LRP2: variants seen among roughly 807,000 people sequenced by gnomAD.
The protein encoded by LRP2 is low-density lipoprotein receptor-related protein 2.
LRP2 carries 172 observed loss-of-function variants against 531.0 expected under a neutral mutation model. That is an observed-to-expected ratio of 0.32 (90% CI 0.29 to 0.37). The LOEUF (loss-of-function observed/expected upper bound fraction) is 0.37. Among genes scored for constraint, LRP2 ranks in the 10% least tolerant of loss-of-function variants. The pLI, the probability that LRP2 is intolerant of heterozygous loss-of-function variation, is 1.00. For missense variants in LRP2, 5,167 were observed against 5,868.3 expected (o/e 0.88, Z 3.90); for synonymous variants, 1,992 against 2,027.6 (o/e 0.98, Z 0.47).
At chr2:169,211,908 C>T (rs1232524418) in intron 37 of LRP2, 60 bp downstream of exon 37, 6 of 1,609,348 alleles carry the variant, frequency 3.7e-6, no homozygotes, top group South Asian at 3.3e-5. Flanking sequence ...TTCATGGCAC[C>T]AGGGATTTCA....
chr2:169,223,185 T>C (rs1689079019), intron 33 of LRP2, among the ~76,000 whole-genome samples: 1 of 152,180 alleles, frequency 6.6e-6, no homozygotes, highest in African/African-American at 2.4e-5. Flanking sequence ...CAAATCAAAA[T>C]ATCTTTCCTC....
At chr2:169,142,539 C>T (rs1177660517) in intron 71 of LRP2, 135 bp downstream of exon 71, 1 of 1,238,240 alleles carries the variant, frequency 8.1e-7, no homozygotes, top group African/African-American at 1.5e-5. Flanking sequence ...GTTCATACCT[C>T]CCACATCCCT....
chr2:169,301,855 C>G (rs1684293245), intron 4 of LRP2, among the ~76,000 whole-genome samples: 1 of 152,094 alleles, frequency 6.6e-6, no homozygotes, highest in Admixed American at 6.6e-5. Flanking sequence ...AGGGTATGAA[C>G]TACAACCTAG....
At chr2:169,138,762 C>A in intron 74 of LRP2, 56 bp from the exon 75 acceptor site, 3 of 1,595,444 alleles carry the variant, frequency 1.9e-6, no homozygotes, top group East Asian at 2.2e-5. Context: ...ACAACAAAAA[C>A]AACAAATACA....
intron 34 of LRP2, among the ~76,000 whole-genome samples, chr2:169,218,905 A>G (rs1324028175): frequency 6.6e-6 from 1 of 152,130 alleles, no homozygotes; most frequent in Non-Finnish European, 1.5e-5. Context: ...GCTTCCTCCC[A>G]TCTTCTGCCC....
chr2:169,215,185 G>C (rs755994980), intron 35 of LRP2, among the ~76,000 whole-genome samples: 6 of 152,134 alleles, frequency 3.9e-5, no homozygotes, highest in African/African-American at 7.2e-5. Context: ...TCCATATTCG[G>C]AGTGAAGTTA....
intron 1 of LRP2, among the ~76,000 whole-genome samples, chr2:169,352,293 C>T (rs1476735334): frequency 6.6e-6 from 1 of 152,140 alleles, no homozygotes; most frequent in Non-Finnish European, 1.5e-5. Flanking sequence ...AGGTTCAGGA[C>T]CTGCCATGCT....
intron 34 of LRP2, 76 bp from the exon 35 acceptor site, chr2:169,216,506 A>T: frequency 7.0e-7 from 1 of 1,423,000 alleles, no homozygotes; most frequent in South Asian, 1.2e-5. Flanking sequence ...GACAATGTGT[A>T]TTACTTGTCC....
chr2:169,291,228 A>G (rs1683991195), intron 7 of LRP2, among the ~76,000 whole-genome samples: 1 of 152,342 alleles, frequency 6.6e-6, no homozygotes, highest in East Asian at 1.9e-4. Context: ...AGCCCCCAGT[A>G]GGGTTATAAG....
At chr2:169,232,854 T>C (rs1574160029) in intron 30 of LRP2, among the ~76,000 whole-genome samples, 1 of 151,822 alleles carries the variant, frequency 6.6e-6, no homozygotes, top group East Asian at 1.9e-4. Flanking sequence ...TGCTGAAGGG[T>C]GTGAGAAACA....
Position 169,196,949 on chromosome 2 carries a change from G to A in LRP2, c.8660C>T (p.Thr2887Ile), listed in dbSNP as rs1235472825. The change falls in exon 46 of 79, where the codon ACA (threonine) becomes ATA (isoleucine). Residue 2887 changes from threonine (T) to isoleucine (I), a missense_variant. This residue lies in a region of LRP2 where 1,129 missense variants were observed against 1,362.7 expected (regional missense o/e 0.83). Coordinates refer to ENST00000649046, the MANE Select transcript of LRP2 (RefSeq NM_004525.3). ...TTCATCAGAGGCATCAAAACAATCT[G>A]TTTCTTGATCACAATACCAATGTTG... ...IPQHWYCDQE[T>I]DCFDASDEPA... The A allele has an allele frequency of 6.2e-7, 1 of 1,614,168 alleles. No homozygotes were observed. Among genetic ancestry groups the A allele is most frequent in the South Asian group, 1.1e-5 (1 of 91,086 alleles).
chr2:169,238,203 C>A lies in LRP2; in HGVS notation c.4394G>T (p.Gly1465Val), dbSNP rs1363315477. 5.6e-6 allele frequency: 9 copies of A among 1,614,126 alleles called. No individual in the cohort carries two copies. Among genetic ancestry groups the A allele is most frequent in the Non-Finnish European group, 7.6e-6 (9 of 1,179,960 alleles). The stretch of plus-strand genomic sequence containing the variant: ...AAAATCAACAGCTACAATGTAAGAA[C>A]CATTCTCGACCAATGAATAGATATT... ...VHNIYSLVEN[G>V]SYIVAVDFDS... is the part of the protein sequence containing the mutation. The change falls in exon 27 of 79, where the codon GGT becomes GTT. Residue 1465 changes from glycine (G) to valine (V), a missense_variant. This residue lies in a region of LRP2 where 2,811 missense variants were observed against 3,058.0 expected (regional missense o/e 0.92). Coordinates refer to ENST00000649046, the MANE Select transcript of LRP2 (RefSeq NM_004525.3).
At chr2:169,270,867 G>GCATA in intron 16 of LRP2, 37 bp downstream of exon 16, 1 of 1,451,098 alleles carries the variant, frequency 6.9e-7, no homozygotes, top group Non-Finnish European at 9.6e-7. Context: ...GGCAAAACAC[G>GCATA]CATACACACA....
At chr2:169,343,201 T>C (rs527620070) in intron 1 of LRP2, among the ~76,000 whole-genome samples, 106 of 152,168 alleles carry the variant, frequency 7.0e-4, no homozygotes, top group Non-Finnish European at 1.2e-3. Flanking sequence ...CCACCAACGT[T>C]TGAACTTCTT....
chr2:169,131,838 C>A (rs1685301807), intron 77 of LRP2, among the ~76,000 whole-genome samples: 1 of 152,204 alleles, frequency 6.6e-6, no homozygotes, highest in African/African-American at 2.4e-5. Context: ...CAGATTCAAA[C>A]AGCTATATCT....
At chr2:169,293,631 C>A (rs923419815) in intron 6 of LRP2, among the ~76,000 whole-genome samples, 1 of 152,072 alleles carries the variant, frequency 6.6e-6, no homozygotes, top group Non-Finnish European at 1.5e-5. Context: ...GCCGAGATCG[C>A]GCCACTGTAC....
Position 169,128,844 on chromosome 2 carries a change from G to A in LRP2, c.13801-14C>T. ...CTCGTTCTCCATCTAAGAATACAAT[G>A]TAACAGGAATCAGCCATTTATTCCC... On this transcript the variant is annotated splice_polypyrimidine_tract_variant and intron_variant, in intron 78 of 78. Transcript: ENST00000649046. 1 of 1,613,912 alleles carries A rather than the reference G, an allele frequency of 6.2e-7. No individual in the cohort carries two copies. The highest frequency in any genetic ancestry group is 8.5e-7 in the Non-Finnish European group (1 of 1,179,890).
intron 38 of LRP2, 150 bp downstream of exon 38, chr2:169,209,303 T>C: frequency 1.4e-6 from 1 of 711,372 alleles, no homozygotes; most frequent in East Asian, 2.6e-5. Flanking sequence ...AATAGACACG[T>C]AGCTTAATCT....
intron 16 of LRP2, among the ~76,000 whole-genome samples, chr2:169,268,170 C>T (rs1683284661): frequency 6.6e-6 from 1 of 152,136 alleles, no homozygotes; most frequent in African/African-American, 2.4e-5. Context: ...CCGAATTCTA[C>T]CAGAGGTACA....
Sources: allele counts gnomAD v4.1 joint callset (sites outside exome capture counted in the v4.1 genomes callset), GRCh38; gene constraint gnomAD v4.1.1; regional missense constraint gnomAD v4.1.1; transcripts MANE v1.5; gene names NCBI Gene and HGNC (gene_info 2026-07-23, HGNC 2026-07-21).